CAAP1: variants seen among roughly 807,000 people sequenced by gnomAD.
The protein encoded by CAAP1 is conserved anti-apoptotic protein.
A neutral mutation model predicts 34.0 loss-of-function variants in CAAP1; 20 were observed. The ratio of observed to expected loss-of-function variants is 0.59; its 90% CI spans 0.41 to 0.86. CAAP1 has a LOEUF of 0.86. CAAP1 is among the 40% of genes least tolerant of loss of function. CAAP1 has a pLI of 0.00. For synonymous variants in CAAP1, 213 were observed against 166.7 expected (o/e 1.28, Z -2.14); for missense variants, 538 against 450.5 (o/e 1.19, Z -1.76).
chr9:26,842,270 C>T lies in CAAP1; in HGVS notation c.*31G>A, dbSNP rs778644801. ...ATTAAATGATGTGGCTTTGTTCAAA[C>T]ATACCTAAAATTCAAAATCAAGTTA... is the stretch of plus-strand genomic sequence containing the variant. On this transcript the variant is annotated 3_prime_UTR_variant, in exon 6 of 6. Coordinates refer to ENST00000333916, the MANE Select transcript of CAAP1 (RefSeq NM_024828.4). The T allele has an allele frequency of 2.7e-6, 4 of 1,489,410 alleles. No homozygotes were observed. The highest frequency in any genetic ancestry group is 3.6e-6 in the Non-Finnish European group (4 of 1,109,216). The allele number at this position is 1,489,410 out of a possible 1,614,324, so 92.3% of individuals were successfully genotyped here. A position where few individuals can be genotyped will look rare whatever the true frequency, so the allele number is the denominator to read the frequency against.
intron 1 of CAAP1, 85 bp from the exon 2 acceptor site, chr9:26,887,598 A>G (rs1349473005): frequency 1.2e-5 from 10 of 807,702 alleles, no homozygotes; most frequent in Non-Finnish European, 1.7e-5. Context: ...TTTTCATTTA[A>G]TAAATTCTTC....
At chr9:26,877,410 C>T (rs531645647) in intron 4 of CAAP1, among the ~76,000 whole-genome samples, 133 of 152,270 alleles carry the variant, frequency 8.7e-4, no homozygotes, top group Admixed American at 1.8e-3. Flanking sequence ...CAACAAATCA[C>T]CTAACTATAC....
intron 2 of CAAP1, among the ~76,000 whole-genome samples, chr9:26,886,431 AGAGT>A (rs1823740989): frequency 6.6e-6 from 1 of 152,198 alleles, no homozygotes; most frequent in Non-Finnish European, 1.5e-5. Context: ...AAAAAACTAA[AGAGT>A]GAGTCAGTTT....
chr9:26,842,285 A>C lies in CAAP1; in HGVS notation c.*16T>G. The C allele has an allele frequency of 6.5e-7, 1 of 1,527,746 alleles. No individual in the cohort carries two copies. The highest frequency in any genetic ancestry group is 8.8e-7 in the Non-Finnish European group (1 of 1,139,902). 94.6% of individuals were successfully genotyped at this position (1,527,746 alleles called of 1,614,324 possible). A position where few individuals can be genotyped will look rare whatever the true frequency, so the allele number is the denominator to read the frequency against. On this transcript the variant is annotated 3_prime_UTR_variant, in exon 6 of 6. Coordinates refer to ENST00000333916, the MANE Select transcript of CAAP1 (RefSeq NM_024828.4). ...TTTGTTCAAACATACCTAAAATTCA[A>C]AATCAAGTTAAATACCTAGGCTGGC...
At chr9:26,876,190 A>T (rs1396187663) in intron 4 of CAAP1, among the ~76,000 whole-genome samples, 2 of 152,080 alleles carry the variant, frequency 1.3e-5, no homozygotes, top group East Asian at 3.9e-4. Flanking sequence ...TGGCTTGTGG[A>T]TCCTTCCTCC....
At chr9:26,859,352 CTGAG>C (rs199600854) in intron 5 of CAAP1, among the ~76,000 whole-genome samples, 1,569 of 152,284 alleles carry the variant, frequency 0.01, 12 homozygotes, top group Admixed American at 0.027. Context: ...CTAAACAATT[CTGAG>C]TGTGTGAACA....
At position 26,841,409 on chromosome 9, in the gene CAAP1, A is replaced by T. The variant is rs1230720359; in HGVS notation, c.*892T>A. On this transcript the variant is annotated 3_prime_UTR_variant, in exon 6 of 6. Coordinates refer to ENST00000333916, the MANE Select transcript of CAAP1 (RefSeq NM_024828.4). The stretch of plus-strand genomic sequence containing the variant: ...AAAACTATACAAAATTAGATTAATT[A>T]TAACAACAACTTATCAAAGGTTCCT... The T allele has an allele frequency of 6.6e-6, 1 of 152,622 alleles. No individual in the cohort carries two copies. The highest frequency in any genetic ancestry group is 2.4e-5 in the African/African-American group (1 of 41,474). The allele number at this position is 152,622 out of a possible 1,614,324, so 9.5% of individuals were successfully genotyped here.
At chr9:26,854,865 A>G (rs867504849) in intron 5 of CAAP1, among the ~76,000 whole-genome samples, 24 of 152,198 alleles carry the variant, frequency 1.6e-4, no homozygotes, top group African/African-American at 5.3e-4. Context: ...TATTAGAATG[A>G]CCAAAATCCA....
In CAAP1 at chr9:26,887,316, T is replaced by G. The variant is rs747635687; in HGVS notation, c.501A>C (p.Leu167Phe). Residue 167 changes from leucine (L) to phenylalanine (F), a missense_variant, in exon 2 of 6, where the codon TTA becomes TTC. Coordinates refer to ENST00000333916, the MANE Select transcript of CAAP1 (RefSeq NM_024828.4). ...KKLQKMLPDV[L>F]KNCSIEEIKK... ...AGTCTGATGTGTAATGAAGTACCTT[T>G]AACACATCAGGAAGCATCTTCTGTA... 1.9e-6 allele frequency: 3 copies of G among 1,584,596 alleles called. No homozygotes were observed. Among genetic ancestry groups the G allele is most frequent in the Non-Finnish European group, 2.6e-6 (3 of 1,162,392 alleles).
chr9:26,892,406 C>T lies in CAAP1; in HGVS notation c.303+7G>A. The T allele has an allele frequency of 6.2e-7, 1 of 1,604,600 alleles. No individual in the cohort carries two copies. Among genetic ancestry groups the T allele is most frequent in the Non-Finnish European group, 8.5e-7 (1 of 1,178,448 alleles). On this transcript the variant is annotated splice_region_variant and intron_variant, in intron 1 of 5. Coordinates refer to ENST00000333916, the MANE Select transcript of CAAP1 (RefSeq NM_024828.4). ...TCCAGGAAGCGGCCAGAGGGGCGCG[C>T]ACGCACCTGCTGCAAGGAGCCCGAG...
At chr9:26,842,916 G>C (rs1822514126) in intron 5 of CAAP1, among the ~76,000 whole-genome samples, 1 of 152,116 alleles carries the variant, frequency 6.6e-6, no homozygotes, top group South Asian at 2.1e-4. Flanking sequence ...CAGTACCCAT[G>C]ATCTATTTTC....
At chr9:26,847,198 A>ATTTTTTT (rs1171628621) in intron 5 of CAAP1, among the ~76,000 whole-genome samples, 1,139 of 34,770 alleles carry the variant, frequency 0.033, 340 homozygotes, top group Non-Finnish European at 0.039. Flanking sequence ...AAAAAGCAAT[A>ATTTTTTT]TTTTTTTTTT....
chr9:26,869,984 GA>G, intron 4 of CAAP1: 2 of 977,874 alleles, frequency 2.0e-6, no homozygotes, highest in Admixed American at 6.2e-5. Flanking sequence ...TTGACTGATG[GA>G]AAAATGACAA....
chr9:26,844,926 G>C (rs183123338), intron 5 of CAAP1, among the ~76,000 whole-genome samples: 8 of 152,088 alleles, frequency 5.3e-5, no homozygotes. Flanking sequence ...TCAGGGTGAC[G>C]GCCTTCTTCA....
chr9:26,864,633 G>C (rs150164354), intron 4 of CAAP1, among the ~76,000 whole-genome samples: 25 of 152,252 alleles, frequency 1.6e-4, no homozygotes, highest in Non-Finnish European at 3.1e-4. Context: ...TTTGTGAATA[G>C]GCATTTTCCT....
chr9:26,872,040 AAACT>A lies in CAAP1; in HGVS notation c.666-10905_666-10902del, dbSNP rs778376965. Among the ~76,000 whole-genome samples, 196 of 152,354 alleles carry A rather than the reference AAACT, an allele frequency of 1.3e-3. 1 individual carries two copies. Among genetic ancestry groups the A allele is most frequent in the Non-Finnish European group, 2.2e-3 (147 of 68,040 alleles). On this transcript the variant is annotated intron_variant, in intron 4 of 5. Coordinates refer to ENST00000333916, the MANE Select transcript of CAAP1 (RefSeq NM_024828.4). The stretch of plus-strand genomic sequence containing the variant: ...CTCTATACACTCATGAAAATTTATT[AAACT>A]AACAAACAGCAAGAGTTCTACCACA...
At chr9:26,842,735 A>T (rs1822510936) in intron 5 of CAAP1, 88 bp from the exon 6 acceptor site, 1 of 1,088,396 alleles carries the variant, frequency 9.2e-7, no homozygotes, top group Admixed American at 2.5e-5. Context: ...AACTGCTTTG[A>T]TCCCACCTCC....
intron 5 of CAAP1, among the ~76,000 whole-genome samples, chr9:26,851,491 G>C (rs1026064935): frequency 3.3e-5 from 5 of 152,120 alleles, no homozygotes; most frequent in African/African-American, 1.2e-4. Context: ...ACCATTCTAG[G>C]ATAAAAAGCA....
intron 1 of CAAP1, among the ~76,000 whole-genome samples, chr9:26,890,403 A>T (rs186665994): frequency 7.8e-4 from 119 of 152,084 alleles, no homozygotes; most frequent in Non-Finnish European, 3.5e-4. Context: ...AACTATTTAA[A>T]ATAAGAATGG....
Sources: allele counts gnomAD v4.1 joint callset (sites outside exome capture counted in the v4.1 genomes callset), GRCh38; gene constraint gnomAD v4.1.1; transcripts MANE v1.5; gene names NCBI Gene and HGNC (gene_info 2026-07-23, HGNC 2026-07-21).